Variants in YWHAE observed in about 807,000 individuals in gnomAD.
YWHAE encodes tyrosine 3-monooxygenase/tryptophan 5-monooxygenase activation protein epsilon, also known as 14-3-3 protein epsilon.
In YWHAE, 4 loss-of-function variants were observed where a neutral mutation model predicts 30.1. The ratio of observed to expected loss-of-function variants is 0.13; its 90% CI spans 0.07 to 0.30. The LOEUF (loss-of-function observed/expected upper bound fraction) is 0.30, where lower values mean the gene tolerates loss of function less well. YWHAE is among the 10% of genes least tolerant of loss of function. The pLI, the probability that YWHAE is intolerant of heterozygous loss-of-function variation, is 1.00. For missense variants in YWHAE, 121 were observed against 315.9 expected (o/e 0.38, Z 4.68); for synonymous variants, 118 against 111.8 (o/e 1.06, Z -0.35).
At chr17:1,354,797 G>C (rs1379344106) in intron 4 of YWHAE, among the ~76,000 whole-genome samples, 1 of 151,686 alleles carries the variant, frequency 6.6e-6, no homozygotes, top group East Asian at 1.9e-4. Flanking sequence ...CGAATGGCTG[G>C]GACTACAGGC....
chr17:1,355,151 T>A (rs2072717411), intron 4 of YWHAE, among the ~76,000 whole-genome samples: 1 of 18,710 alleles, frequency 5.3e-5, no homozygotes, highest in African/African-American at 2.1e-4. Flanking sequence ...AAAAAAAATT[T>A]TTTTTTTTTT....
intron 1 of YWHAE, among the ~76,000 whole-genome samples, chr17:1,387,524 TCC>T (rs1434260069): frequency 6.6e-6 from 1 of 152,128 alleles, no homozygotes; most frequent in Non-Finnish European, 1.5e-5. Context: ...AACCCTTGGG[TCC>T]AATTCGGTTT....
intron 1 of YWHAE, among the ~76,000 whole-genome samples, chr17:1,388,547 T>C (rs1288379913): frequency 6.7e-6 from 1 of 148,384 alleles, no homozygotes; most frequent in Non-Finnish European, 1.5e-5. Flanking sequence ...GTGCTAGGAT[T>C]ACAGGCATGA....
At chr17:1,381,273 T>C (rs1567977728) in intron 1 of YWHAE, among the ~76,000 whole-genome samples, 1 of 151,824 alleles carries the variant, frequency 6.6e-6, no homozygotes, top group East Asian at 2.0e-4. Context: ...CCAGCACTTT[T>C]GGAGGCTGAG....
In YWHAE at chr17:1,344,606, GAAC is replaced by G. The variant is rs1337961172; in HGVS notation, c.*838_*840del. 1.3e-5 allele frequency: 3 copies of G among 225,052 alleles called. No individual in the cohort carries two copies. Among genetic ancestry groups the G allele is most frequent in the African/African-American group, 6.7e-5 (3 of 44,824 alleles). 13.9% of individuals were successfully genotyped at this position (225,052 alleles called of 1,614,324 possible). ...TTAATTCCATGCTGTGTTTCAGTAA[GAAC>G]AATACAGATTCTGTATCTGTGGCTC... On this transcript the variant is annotated 3_prime_UTR_variant, in exon 6 of 6. Coordinates refer to ENST00000264335, the MANE Select transcript of YWHAE (RefSeq NM_006761.5).
At chr17:1,356,751 G>A (rs1278325886) in intron 4 of YWHAE, among the ~76,000 whole-genome samples, 1 of 150,424 alleles carries the variant, frequency 6.6e-6, no homozygotes, top group East Asian at 2.0e-4. Flanking sequence ...CTGAGGTCAG[G>A]AGTTCGAGAC....
intron 1 of YWHAE, among the ~76,000 whole-genome samples, chr17:1,378,802 T>C (rs771094843): frequency 6.6e-6 from 1 of 151,880 alleles, no homozygotes; most frequent in Non-Finnish European, 1.5e-5. Context: ...CAAAAATTAG[T>C]TGGGCATGGT....
rs936883368 is a variant in YWHAE, at chr17:1,345,012, A to G, written c.*435T>C. The G allele has an allele frequency of 2.9e-5, 7 of 238,728 alleles. No homozygotes were observed. The highest frequency in any genetic ancestry group is 1.1e-4 in the African/African-American group (5 of 45,434). The allele number at this position is 238,728 out of a possible 1,614,324, so 14.8% of individuals were successfully genotyped here. On this transcript the variant is annotated 3_prime_UTR_variant, in exon 6 of 6. Coordinates refer to ENST00000264335, the MANE Select transcript of YWHAE (RefSeq NM_006761.5). ...ACTTGCAAACACTGGTATAAAACAC[A>G]GTTTAAACAATTAGAAAAATGAAAA...
chr17:1,380,390 C>T (rs556192483), intron 1 of YWHAE, among the ~76,000 whole-genome samples: 9 of 152,138 alleles, frequency 5.9e-5, no homozygotes, highest in East Asian at 1.9e-4. Flanking sequence ...TGAGCCACCG[C>T]GCCCAGCCCA....
At chr17:1,392,650 G>A (rs1236487460) in intron 1 of YWHAE, among the ~76,000 whole-genome samples, 1 of 151,898 alleles carries the variant, frequency 6.6e-6, no homozygotes, top group Non-Finnish European at 1.5e-5. Flanking sequence ...AGGAGTTGAA[G>A]ACCAGCCTGG....
chr17:1,391,901 C>G lies in YWHAE; in HGVS notation c.64+8146G>C, dbSNP rs1056544305. ...GAGTTCAACATCAGCCTGGGCAATC[C>G]GCTGGGACCAGGCCTCTACCAAAAA... is the stretch of plus-strand genomic sequence containing the variant. On this transcript the variant is annotated intron_variant, in intron 1 of 5. Transcript: ENST00000264335. Among the ~76,000 whole-genome samples, 8 of 152,198 alleles carry G rather than the reference C, an allele frequency of 5.3e-5. No individual in the cohort carries two copies. In the East Asian group the frequency reaches 1.2e-3, roughly 22 times the overall value.
At chr17:1,395,019 T>C (rs980727471) in intron 1 of YWHAE, among the ~76,000 whole-genome samples, 1 of 152,076 alleles carries the variant, frequency 6.6e-6, no homozygotes, top group African/African-American at 2.4e-5. Context: ...GTCATTACTG[T>C]TTGTGTACAC....
At chr17:1,395,169 G>C (rs1428234687) in intron 1 of YWHAE, among the ~76,000 whole-genome samples, 1 of 151,332 alleles carries the variant, frequency 6.6e-6, no homozygotes, top group East Asian at 1.9e-4. Flanking sequence ...GAGGCAGGCA[G>C]ATCACCTGAG....
intron 5 of YWHAE, among the ~76,000 whole-genome samples, chr17:1,350,855 A>ATTC (rs2072619187): frequency 6.8e-6 from 1 of 148,086 alleles, no homozygotes; most frequent in African/African-American, 2.5e-5. Context: ...GTCAGGAGTT[A>ATTC]GAGACCAGCC....
chr17:1,352,490 C>T (rs936978917), intron 5 of YWHAE, among the ~76,000 whole-genome samples: 3 of 151,762 alleles, frequency 2.0e-5, no homozygotes, highest in Non-Finnish European at 2.9e-5. Flanking sequence ...TCAAGCAACG[C>T]GACATATGTT....
intron 5 of YWHAE, among the ~76,000 whole-genome samples, chr17:1,350,892 T>C (rs1598223450): frequency 2.0e-5 from 3 of 149,702 alleles, no homozygotes; most frequent in African/African-American, 7.4e-5. Flanking sequence ...ACCCTGCCTC[T>C]ACTAAACAAA....
At chr17:1,391,902 G>A (rs896182541) in intron 1 of YWHAE, among the ~76,000 whole-genome samples, 8 of 152,142 alleles carry the variant, frequency 5.3e-5, no homozygotes, top group Non-Finnish European at 1.2e-4. Flanking sequence ...TGGGCAATCC[G>A]CTGGGACCAG....
chr17:1,358,451 C>G (rs990910639), intron 4 of YWHAE, among the ~76,000 whole-genome samples: 9 of 151,926 alleles, frequency 5.9e-5, no homozygotes, highest in Middle Eastern at 3.4e-3. Context: ...ACGTTAGCCA[C>G]GATGGTCTCG....
chr17:1,380,042 C>A (rs1014777541), intron 1 of YWHAE, among the ~76,000 whole-genome samples: 9 of 151,662 alleles, frequency 5.9e-5, no homozygotes, highest in African/African-American at 2.2e-4. Flanking sequence ...GGAAACAGCA[C>A]AGGAAAGTCC....
Sources: allele counts gnomAD v4.1 joint callset (sites outside exome capture counted in the v4.1 genomes callset), GRCh38; gene constraint gnomAD v4.1.1; transcripts MANE v1.5; gene names NCBI Gene and HGNC (gene_info 2026-07-23, HGNC 2026-07-21).